The following CNOT6L variants were observed in gnomAD, a reference collection of about 807,000 sequenced individuals.
The protein encoded by CNOT6L is CCR4-NOT transcription complex subunit 6-like.
Under a neutral mutation model 64.0 loss-of-function variants are expected in CNOT6L, and 7 were observed. The observed-to-expected ratio is 0.11, with a 90% confidence interval of 0.06 to 0.21. The LOEUF (loss-of-function observed/expected upper bound fraction) is 0.21, where lower values mean the gene tolerates loss of function less well. CNOT6L is among the 10% of genes least tolerant of loss of function. The probability of loss-of-function intolerance (pLI) is 1.00; values close to 1 mark genes in which losing one functional copy is unlikely to be tolerated. For synonymous variants in CNOT6L, 193 were observed against 243.4 expected (o/e 0.79, Z 1.93); for missense variants, 245 against 669.0 (o/e 0.37, Z 6.99).
chr4:77,727,008 T>C (rs1351648545), intron 10 of CNOT6L, among the ~76,000 whole-genome samples: 1 of 152,170 alleles, frequency 6.6e-6, no homozygotes, highest in Non-Finnish European at 1.5e-5. Flanking sequence ...CTGCTTCCAC[T>C]GAATTAGCAA....
intron 1 of CNOT6L, among the ~76,000 whole-genome samples, chr4:77,816,257 C>T (rs1277648940): frequency 6.6e-6 from 1 of 151,958 alleles, no homozygotes; most frequent in Non-Finnish European, 1.5e-5. Context: ...TCCCAATTCT[C>T]CCAAATTAAA....
intron 1 of CNOT6L, among the ~76,000 whole-genome samples, chr4:77,813,384 C>T (rs1733182871): frequency 6.6e-6 from 1 of 152,008 alleles, no homozygotes; most frequent in Non-Finnish European, 1.5e-5. Context: ...TTCTTAGATA[C>T]GACACCAAAA....
intron 5 of CNOT6L, among the ~76,000 whole-genome samples, chr4:77,753,214 GA>G (rs533742321): frequency 4.9e-5 from 6 of 122,816 alleles, no homozygotes; most frequent in South Asian, 2.7e-4. Flanking sequence ...AACCCAGAAA[GA>G]AAAAAAAAAT....
chr4:77,765,153 C>T (rs1020964098), intron 4 of CNOT6L, among the ~76,000 whole-genome samples: 1 of 152,176 alleles, frequency 6.6e-6, no homozygotes, highest in Non-Finnish European at 1.5e-5. Context: ...CACTGCTACA[C>T]TCCCACCAGC....
chr4:77,721,831 G>A (rs1047781362), intron 11 of CNOT6L, among the ~76,000 whole-genome samples: 1 of 152,022 alleles, frequency 6.6e-6, no homozygotes, highest in Non-Finnish European at 1.5e-5. Flanking sequence ...CATTAGCCAG[G>A]TGTAGCAGCA....
intron 1 of CNOT6L, among the ~76,000 whole-genome samples, chr4:77,814,515 C>A (rs6849922): frequency 0.79 from 119,709 of 152,074 alleles, 47,978 homozygotes; most frequent in Non-Finnish European, 0.86. Context: ...TTTGAAATAA[C>A]TAAATTACAT....
intron 1 of CNOT6L, among the ~76,000 whole-genome samples, chr4:77,794,206 AT>A (rs1730521877): frequency 6.9e-6 from 1 of 145,636 alleles, no homozygotes; most frequent in South Asian, 2.3e-4. Context: ...AAGAGAGATT[AT>A]AGTCTTATAG....
chr4:77,777,098 G>A (rs1225413922), intron 1 of CNOT6L, among the ~76,000 whole-genome samples: 3 of 152,180 alleles, frequency 2.0e-5, no homozygotes, highest in African/African-American at 7.2e-5. Flanking sequence ...TACTGTTTAA[G>A]CTACTTTGAA....
At chr4:77,807,569 A>G (rs1478037670) in intron 1 of CNOT6L, among the ~76,000 whole-genome samples, 1 of 152,196 alleles carries the variant, frequency 6.6e-6, no homozygotes, top group Non-Finnish European at 1.5e-5. Context: ...GCAGATTATT[A>G]AAGAAATCAA....
intron 8 of CNOT6L, among the ~76,000 whole-genome samples, chr4:77,735,850 T>G (rs1169472220): frequency 1.3e-5 from 2 of 152,214 alleles, no homozygotes; most frequent in African/African-American, 4.8e-5. Context: ...TTTCTTTTTC[T>G]TAAGTTTCTT....
chr4:77,796,978 G>A (rs953723954), intron 1 of CNOT6L, among the ~76,000 whole-genome samples: 20 of 151,708 alleles, frequency 1.3e-4, no homozygotes, highest in Admixed American at 6.6e-5. Flanking sequence ...AACTACTTGG[G>A]AGGCTGGGAT....
intron 1 of CNOT6L, among the ~76,000 whole-genome samples, chr4:77,801,135 T>C (rs193133350): frequency 6.6e-6 from 1 of 152,240 alleles, no homozygotes; most frequent in East Asian, 1.9e-4. Context: ...TGAGTCAAGC[T>C]TGGTTCCAGG....
rs185566766 is a variant in CNOT6L at position 77,715,900 on chromosome 4, T to A, written c.*4531A>T. 5.2e-5 allele frequency: 8 copies of A among 152,568 alleles called. No homozygotes were observed. In the East Asian group the frequency reaches 1.5e-3, roughly 29 times the overall value. 9.5% of individuals were successfully genotyped at this position (152,568 alleles called of 1,614,324 possible). On this transcript the variant is annotated 3_prime_UTR_variant, in exon 12 of 12. Coordinates refer to ENST00000504123, the MANE Select transcript of CNOT6L (RefSeq NM_144571.3). ...CAGATTAAAGATGTACTAAAATGTT[T>A]GAATTAATTTTGGTGATCATGATGC...
intron 4 of CNOT6L, among the ~76,000 whole-genome samples, chr4:77,770,861 G>A (rs1185460702): frequency 6.6e-6 from 1 of 152,146 alleles, no homozygotes; most frequent in East Asian, 1.9e-4. Flanking sequence ...GAAGGACTAA[G>A]GAGATAATAT....
intron 6 of CNOT6L, 34 bp downstream of exon 6, chr4:77,748,282 T>TG (rs1191090841): frequency 7.2e-7 from 1 of 1,393,510 alleles, no homozygotes; most frequent in Admixed American, 1.7e-5. Flanking sequence ...TAAGAATTTC[T>TG]GAAAAAAAAG....
intron 1 of CNOT6L, among the ~76,000 whole-genome samples, chr4:77,785,981 A>G (rs528726236): frequency 2.0e-5 from 3 of 152,228 alleles, no homozygotes; most frequent in African/African-American, 7.2e-5. Context: ...GCAAAGACAC[A>G]TAAATAAGAA....
At chr4:77,763,321 A>G (rs1220938293) in intron 4 of CNOT6L, among the ~76,000 whole-genome samples, 1 of 152,112 alleles carries the variant, frequency 6.6e-6, no homozygotes, top group East Asian at 1.9e-4. Context: ...TGGATGAGAG[A>G]ATATATACTA....
chr4:77,743,626 G>T (rs567321003), intron 7 of CNOT6L, among the ~76,000 whole-genome samples: 56 of 99,714 alleles, frequency 5.6e-4, no homozygotes, highest in African/African-American at 2.2e-3. Flanking sequence ...TTTTGAGACA[G>T]AATCTCGCTC....
intron 2 of CNOT6L, among the ~76,000 whole-genome samples, chr4:77,775,643 C>T (rs1040166340): frequency 2.0e-5 from 3 of 152,144 alleles, no homozygotes; most frequent in East Asian, 3.8e-4. Flanking sequence ...CCAGATTCAA[C>T]GCAGGCTACC....
Sources: gnomAD v4.1 joint callset for allele counts (sites outside exome capture counted in the v4.1 genomes callset) on GRCh38, gnomAD v4.1.1 for gene constraint, MANE v1.5 for transcripts, NCBI Gene and HGNC (gene_info 2026-07-23, HGNC 2026-07-21) for gene names.